Variants in PARD3 observed in about 807,000 individuals in gnomAD.
The protein encoded by PARD3 is par-3 family cell polarity regulator.
A neutral mutation model predicts 155.4 loss-of-function variants in PARD3; 75 were observed. The observed-to-expected ratio is 0.48, with a 90% CI of 0.40 to 0.58. PARD3 has a LOEUF of 0.58. Among genes scored for constraint, PARD3 ranks in the 20% least tolerant of loss-of-function variants. The probability of loss-of-function intolerance (pLI) is 0.00; values close to 1 mark genes in which losing one functional copy is unlikely to be tolerated. For synonymous variants in PARD3, 576 were observed against 610.5 expected, an observed-to-expected ratio of 0.94 and a Z score of 0.83; for missense variants, 1,642 against 1,721.7, an observed-to-expected ratio of 0.95 and a Z score of 0.82.
chr10:34,311,491 A>C (rs1268047218), intron 20 of PARD3, among the ~76,000 whole-genome samples: 2 of 152,188 alleles, frequency 1.3e-5, no homozygotes, highest in African/African-American at 4.8e-5. Context: ...AAGGCTTCTT[A>C]CAAGAGAGAA....
At chr10:34,401,557 T>A (rs936075623) in intron 6 of PARD3, among the ~76,000 whole-genome samples, 12 of 152,152 alleles carry the variant, frequency 7.9e-5, no homozygotes, top group African/African-American at 2.7e-4. Context: ...ACAAAAATCT[T>A]CAATCAAATA....
At chr10:34,194,022 C>T (rs1950831146) in intron 22 of PARD3, among the ~76,000 whole-genome samples, 1 of 152,088 alleles carries the variant, frequency 6.6e-6, no homozygotes, top group Admixed American at 6.5e-5. Flanking sequence ...AGAAAAGCCT[C>T]CAACATTAAA....
chr10:34,372,426 T>G, intron 12 of PARD3, 72 bp downstream of exon 12: 1 of 1,129,948 alleles, frequency 8.8e-7, no homozygotes, highest in Non-Finnish European at 1.3e-6. Flanking sequence ...TAACTTCGTA[T>G]TAAATTAGTA....
At chr10:34,516,608 G>A (rs1291730586) in intron 3 of PARD3, among the ~76,000 whole-genome samples, 1 of 152,180 alleles carries the variant, frequency 6.6e-6, no homozygotes, top group Non-Finnish European at 1.5e-5. Flanking sequence ...AATGACGGTT[G>A]TAACAGAGTT....
At position 34,573,765 on chromosome 10, in the gene PARD3, A is replaced by C. The variant is rs1161925409; in HGVS notation, c.223-56606T>G. ...CACACACACACACACACACACACAC[A>C]CACACACACACACACACACAGAGAA... is the stretch of plus-strand genomic sequence containing the variant. On this transcript the variant is annotated intron_variant, in intron 2 of 24. Transcript: ENST00000374788. Among the ~76,000 whole-genome samples, 7 of 151,990 alleles carry C rather than the reference A, an allele frequency of 4.6e-5. No individual in the cohort carries two copies. The East Asian group carries it at 1.4e-3, about 29-fold the overall frequency.
In PARD3 at chr10:34,630,820, TTTA is replaced by T. The variant is rs2092234381; in HGVS notation, c.222+65495_222+65497del. ...GTAAACAGATTTATTTATTTATTTA[TTTA>T]TTTATTTATTTATTTATTGAAACAA... On this transcript the variant is annotated intron_variant, in intron 2 of 24. Transcript: ENST00000374788. Among the ~76,000 whole-genome samples the T allele has an allele frequency of 2.0e-5, 3 of 150,800 alleles. No individual in the cohort carries two copies. The South Asian group carries it at 6.3e-4, about 32-fold the overall frequency.
intron 3 of PARD3, among the ~76,000 whole-genome samples, chr10:34,511,478 G>A (rs778986125): frequency 6.6e-6 from 1 of 152,168 alleles, no homozygotes; most frequent in Non-Finnish European, 1.5e-5. Context: ...GGCATCTGGA[G>A]AGGACCTTCT....
At chr10:34,765,996 C>T (rs1183949663) in intron 1 of PARD3, among the ~76,000 whole-genome samples, 1 of 152,168 alleles carries the variant, frequency 6.6e-6, no homozygotes, top group African/African-American at 2.4e-5. Flanking sequence ...TCCAGACAGC[C>T]TACCTACAGT....
intron 3 of PARD3, among the ~76,000 whole-genome samples, chr10:34,477,550 G>C (rs576260979): frequency 6.6e-6 from 1 of 152,046 alleles, no homozygotes; most frequent in South Asian, 2.1e-4. Context: ...TCTAGGTAAG[G>C]TGCCTTTTAA....
At chr10:34,508,854 C>T (rs1054163919) in intron 3 of PARD3, among the ~76,000 whole-genome samples, 5 of 152,148 alleles carry the variant, frequency 3.3e-5, no homozygotes, top group Admixed American at 2.0e-4. Flanking sequence ...GAGACATGAT[C>T]GCGCACACCA....
At chr10:34,768,360 G>C (rs1452738059) in intron 1 of PARD3, among the ~76,000 whole-genome samples, 1 of 131,574 alleles carries the variant, frequency 7.6e-6, no homozygotes, top group Non-Finnish European at 1.7e-5. Context: ...GGGATAACTC[G>C]AAGCAAAGGC....
rs536816207 is a variant in PARD3, at chr10:34,727,452, T to A, written c.121-31033A>T. Among the ~76,000 whole-genome samples the A allele has an allele frequency of 2.0e-5, 3 of 152,300 alleles. No homozygotes were observed. The South Asian group carries it at 6.2e-4, about 32-fold the overall frequency. On this transcript the variant is annotated intron_variant, in intron 1 of 24. Coordinates refer to ENST00000374788, the MANE Select transcript of PARD3 (RefSeq NM_001184785.2). ...CAAGCCTCATAGGACCCAAAGTACA[T>A]CAGTCCTTCCAGACTGCTGACACCT...
chr10:34,522,506 T>C (rs2082208398), intron 2 of PARD3, among the ~76,000 whole-genome samples: 1 of 152,198 alleles, frequency 6.6e-6, no homozygotes, highest in Admixed American at 6.5e-5. Context: ...ACAATAAGTA[T>C]GTTTACTATG....
intron 5 of PARD3, among the ~76,000 whole-genome samples, chr10:34,430,101 A>G (rs1377632590): frequency 6.6e-6 from 1 of 152,246 alleles, no homozygotes; most frequent in Non-Finnish European, 1.5e-5. Flanking sequence ...ATATTAAGAA[A>G]CACCTTATTG....
intron 22 of PARD3, among the ~76,000 whole-genome samples, chr10:34,161,245 G>GAAAGA (rs1554798737): frequency 8.4e-6 from 1 of 118,584 alleles, no homozygotes; most frequent in African/African-American, 3.4e-5. Context: ...ACCCTGTCTT[G>GAAAGA]AAAAAAAAAA....
chr10:34,509,175 A>T (rs2081259372), intron 3 of PARD3, among the ~76,000 whole-genome samples: 1 of 152,178 alleles, frequency 6.6e-6, no homozygotes, highest in Non-Finnish European at 1.5e-5. Flanking sequence ...GTGGGGAAAA[A>T]AACCCCAACA....
chr10:34,293,998 A>G (rs866201322), intron 20 of PARD3, among the ~76,000 whole-genome samples: 18 of 152,346 alleles, frequency 1.2e-4, no homozygotes, highest in Middle Eastern at 6.8e-3. Context: ...ATGAGACCTA[A>G]GTCACAAAAA....
At chr10:34,202,610 T>G (rs1039716691) in intron 22 of PARD3, among the ~76,000 whole-genome samples, 2 of 152,222 alleles carry the variant, frequency 1.3e-5, no homozygotes, top group Admixed American at 6.5e-5. Flanking sequence ...ACTAAAACTT[T>G]GCTCAACATA....
chr10:34,814,832 T>TGCCCCC, intron 1 of PARD3, 44 bp downstream of exon 1: 5 of 1,202,326 alleles, frequency 4.2e-6, no homozygotes, highest in Non-Finnish European at 4.6e-6. Flanking sequence ...CCCGGCGCCG[T>TGCCCCC]CCCCGCCGCC....
Sources: gnomAD v4.1 joint callset for allele counts (sites outside exome capture counted in the v4.1 genomes callset) on GRCh38, gnomAD v4.1.1 for gene constraint, MANE v1.5 for transcripts, NCBI Gene and HGNC (gene_info 2026-07-23, HGNC 2026-07-21) for gene names.